The following RFX3 variants were observed in gnomAD, a reference collection of about 807,000 sequenced individuals.
The protein encoded by RFX3 is regulatory factor X3.
Under a neutral mutation model 98.6 loss-of-function variants are expected in RFX3, and 14 were observed. The ratio of observed to expected loss-of-function variants is 0.14; its 90% confidence interval spans 0.09 to 0.22. RFX3 has a LOEUF of 0.22. RFX3 is among the 10% of genes least tolerant of loss of function. The pLI is 1.00. For missense variants in RFX3, 639 were observed against 926.9 expected, an observed-to-expected ratio of 0.69 and a Z score of 4.03; for synonymous variants, 383 against 328.4, an observed-to-expected ratio of 1.17 and a Z score of -1.80.
At chr9:3,413,644 G>C (rs1045224825) in intron 1 of RFX3, among the ~76,000 whole-genome samples, 1 of 152,062 alleles carries the variant, frequency 6.6e-6, no homozygotes, top group African/African-American at 2.4e-5. Flanking sequence ...TTGCTCTGAA[G>C]ACAAGGAACA....
At chr9:3,289,716 G>C (rs1415205396) in intron 6 of RFX3, among the ~76,000 whole-genome samples, 1 of 152,002 alleles carries the variant, frequency 6.6e-6, no homozygotes, top group Non-Finnish European at 1.5e-5. Flanking sequence ...GAATGGTTGG[G>C]GGAGAGAAGC....
chr9:3,506,570 G>A (rs1246217451), intron 1 of RFX3, among the ~76,000 whole-genome samples: 1 of 151,690 alleles, frequency 6.6e-6, no homozygotes, highest in Non-Finnish European at 1.5e-5. Context: ...ATAGAAATAA[G>A]GTATAGAATC....
chr9:3,295,781 T>C (rs527623182), intron 5 of RFX3, among the ~76,000 whole-genome samples: 8 of 152,174 alleles, frequency 5.3e-5, no homozygotes, highest in African/African-American at 1.2e-4. Flanking sequence ...ACATATCATA[T>C]AGAAAAATCT....
intron 15 of RFX3, among the ~76,000 whole-genome samples, chr9:3,239,236 T>C (rs945427402): frequency 3.3e-5 from 5 of 152,240 alleles, no homozygotes; most frequent in African/African-American, 9.6e-5. Context: ...CTTTAATTTC[T>C]AGTTTTATAA....
chr9:3,464,349 A>T (rs1207961071), intron 1 of RFX3, among the ~76,000 whole-genome samples: 1 of 152,258 alleles, frequency 6.6e-6, no homozygotes, highest in Non-Finnish European at 1.5e-5. Flanking sequence ...TGTTTGTATA[A>T]CTGTTTTATT....
At chr9:3,313,248 A>G (rs1211499770) in intron 4 of RFX3, among the ~76,000 whole-genome samples, 3 of 152,166 alleles carry the variant, frequency 2.0e-5, no homozygotes, top group Non-Finnish European at 4.4e-5. Flanking sequence ...ATACCCAAAC[A>G]AACAGGGTCT....
intron 16 of RFX3, among the ~76,000 whole-genome samples, chr9:3,226,220 C>G (rs1338581597): frequency 1.3e-5 from 2 of 152,140 alleles, no homozygotes; most frequent in Non-Finnish European, 2.9e-5. Flanking sequence ...ATATCACATA[C>G]AATGAATGTG....
intron 1 of RFX3, among the ~76,000 whole-genome samples, chr9:3,424,572 G>T (rs952478510): frequency 5.9e-5 from 9 of 151,506 alleles, no homozygotes; most frequent in African/African-American, 1.9e-4. Flanking sequence ...GTGTTAGCCG[G>T]GATGGTCTCG....
At chr9:3,498,193 C>G (rs541129148) in intron 1 of RFX3, among the ~76,000 whole-genome samples, 4 of 152,104 alleles carry the variant, frequency 2.6e-5, no homozygotes, top group African/African-American at 9.6e-5. Context: ...TAACTTACAG[C>G]ACAATGTTAC....
chr9:3,389,737 T>C (rs1840090674), intron 2 of RFX3, among the ~76,000 whole-genome samples: 2 of 152,108 alleles, frequency 1.3e-5, no homozygotes. Flanking sequence ...ATAAGGTATA[T>C]ATAAAAAAAC....
intron 15 of RFX3, among the ~76,000 whole-genome samples, chr9:3,245,160 A>T (rs1040077435): frequency 5.3e-5 from 8 of 152,230 alleles, no homozygotes; most frequent in Admixed American, 4.6e-4. Flanking sequence ...ATGACAAGTA[A>T]AAGTACATAT....
At chr9:3,501,649 G>A (rs533828185) in intron 1 of RFX3, among the ~76,000 whole-genome samples, 3 of 146,642 alleles carry the variant, frequency 2.0e-5, no homozygotes, top group East Asian at 2.0e-4. Context: ...CTCTATCTCC[G>A]AGGTTCAAGC....
At position 3,472,612 on chromosome 9, in the gene RFX3, TTAGAGCC is replaced by T. The variant is rs201283260; in HGVS notation, c.-9+53128_-9+53134del. Among the ~76,000 whole-genome samples the T allele has an allele frequency of 8.1e-4, 124 of 152,272 alleles. 2 individuals are homozygous for T. In the East Asian group the frequency reaches 0.019, roughly 23 times the overall value. On this transcript the variant is annotated intron_variant, in intron 1 of 16. Transcript: ENST00000617270. ...TTTATACTATACAAAAGATACGGAT[TTAGAGCC>T]TATCCCTAACAAAAACTTCAATCTA...
At chr9:3,254,020 C>T (rs954308856) in intron 14 of RFX3, among the ~76,000 whole-genome samples, 8 of 152,020 alleles carry the variant, frequency 5.3e-5, no homozygotes, top group African/African-American at 1.9e-4. Context: ...TTCTGGGGCC[C>T]TGAACTGTAG....
intron 4 of RFX3, among the ~76,000 whole-genome samples, chr9:3,320,424 C>T (rs1223214832): frequency 6.6e-6 from 1 of 151,864 alleles, no homozygotes; most frequent in Non-Finnish European, 1.5e-5. Flanking sequence ...TGTGGTGGCG[C>T]ATGCCTGTAC....
At chr9:3,515,217 C>A (rs1158340267) in intron 1 of RFX3, among the ~76,000 whole-genome samples, 1 of 152,094 alleles carries the variant, frequency 6.6e-6, no homozygotes, top group Non-Finnish European at 1.5e-5. Flanking sequence ...TAATTCCTTT[C>A]TAAAATTTGT....
intron 1 of RFX3, among the ~76,000 whole-genome samples, chr9:3,489,962 A>G (rs1850610026): frequency 6.6e-6 from 1 of 152,198 alleles, no homozygotes; most frequent in Admixed American, 6.5e-5. Flanking sequence ...GGTAGGTGGA[A>G]AGGAAGGAAT....
At chr9:3,351,688 C>T (rs866438704) in intron 2 of RFX3, among the ~76,000 whole-genome samples, 5 of 151,646 alleles carry the variant, frequency 3.3e-5, no homozygotes, top group African/African-American at 7.3e-5. Context: ...TATAGATGAA[C>T]GATAAATGTA....
chr9:3,415,312 T>G (rs1404744954), intron 1 of RFX3, among the ~76,000 whole-genome samples: 1 of 150,906 alleles, frequency 6.6e-6, no homozygotes, highest in Admixed American at 6.7e-5. Context: ...ACTCTTGGGC[T>G]CAAGCAATCC....
Sources: allele counts gnomAD v4.1 joint callset (sites outside exome capture counted in the v4.1 genomes callset), GRCh38; gene constraint gnomAD v4.1.1; transcripts MANE v1.5; gene names NCBI Gene and HGNC (gene_info 2026-07-23, HGNC 2026-07-21).